Variants in AFF1 observed in about 807,000 individuals in gnomAD.
AFF1 encodes the protein ALF transcription elongation factor 1.
Under a neutral mutation model 121.7 loss-of-function variants are expected in AFF1, and 48 were observed. The observed-to-expected ratio is 0.39, with a 90% CI of 0.31 to 0.50. AFF1 has a LOEUF of 0.50. Among genes scored for constraint, AFF1 ranks in the 20% least tolerant of loss-of-function variants. The probability of loss-of-function intolerance (pLI) is 0.76; values close to 1 mark genes in which losing one functional copy is unlikely to be tolerated. For missense variants in AFF1, 1,523 were observed against 1,511.7 expected, an observed-to-expected ratio of 1.01 and a Z score of -0.12; for synonymous variants, 613 against 563.0, an observed-to-expected ratio of 1.09 and a Z score of -1.26.
At position 87,126,175 on chromosome 4, in the gene AFF1, C is replaced by G; in HGVS notation, c.2650C>G (p.Pro884Ala). 2 of 1,614,172 alleles carry G rather than the reference C, an allele frequency of 1.2e-6. No individual in the cohort carries two copies. Among genetic ancestry groups the G allele is most frequent in the Non-Finnish European group, 1.7e-6 (2 of 1,180,034 alleles). The change falls in exon 14 of 21, where the codon CCA (proline) becomes GCA (alanine). Residue 884 changes from proline to alanine, a missense_variant. Coordinates refer to ENST00000395146, the MANE Select transcript of AFF1 (RefSeq NM_001166693.3). ...PPPVSSSSQK[P>A]AKPALKRSRR... ...ACCCGTGTCCTCGTCCTCCCAGAAG[C>G]CAGCCAAGCCTGCACTTAAGAGGTC... is the stretch of plus-strand genomic sequence containing the variant.
intron 5 of AFF1, among the ~76,000 whole-genome samples, chr4:87,088,466 AG>A (rs1462986635): frequency 6.6e-6 from 1 of 152,244 alleles, no homozygotes; most frequent in Non-Finnish European, 1.5e-5. Context: ...AGCTGTTGCA[AG>A]GATCAAATGG....
At chr4:87,039,426 G>A (rs1729886931) in intron 2 of AFF1, among the ~76,000 whole-genome samples, 1 of 152,236 alleles carries the variant, frequency 6.6e-6, no homozygotes, top group Non-Finnish European at 1.5e-5. Context: ...CTGAAAGTGA[G>A]AGCATTCTGG....
intron 2 of AFF1, among the ~76,000 whole-genome samples, chr4:86,966,094 C>T (rs991852): frequency 0.33 from 48,335 of 146,992 alleles, 9,333 homozygotes; most frequent in South Asian, 0.51. Flanking sequence ...TTCTGGGATA[C>T]GTGCAAGGTG....
intron 2 of AFF1, among the ~76,000 whole-genome samples, chr4:87,045,338 G>A (rs1730568865): frequency 6.6e-6 from 1 of 151,902 alleles, no homozygotes; most frequent in Non-Finnish European, 1.5e-5. Flanking sequence ...TGCGTGTGAG[G>A]GCTGGGAAGT....
chr4:87,042,962 T>G (rs1730303900), intron 2 of AFF1, among the ~76,000 whole-genome samples: 1 of 152,190 alleles, frequency 6.6e-6, no homozygotes, highest in Non-Finnish European at 1.5e-5. Flanking sequence ...TAAAAATATT[T>G]TAGTAATGTA....
chr4:86,992,118 T>A (rs1724777347), intron 2 of AFF1, among the ~76,000 whole-genome samples: 1 of 151,966 alleles, frequency 6.6e-6, no homozygotes, highest in Admixed American at 6.6e-5. Context: ...TCCTCAAGAG[T>A]GTAACAATAG....
intron 2 of AFF1, among the ~76,000 whole-genome samples, chr4:86,999,116 C>G (rs1725490152): frequency 6.6e-6 from 1 of 152,232 alleles, no homozygotes; most frequent in African/African-American, 2.4e-5. Flanking sequence ...TTCGCACTCA[C>G]TGGTGTTTGC....
At chr4:86,959,537 G>GA (rs1428551066) in intron 2 of AFF1, among the ~76,000 whole-genome samples, 1 of 150,858 alleles carries the variant, frequency 6.6e-6, no homozygotes, top group Non-Finnish European at 1.5e-5. Flanking sequence ...AGAGATGGGG[G>GA]AAAAAATGGG....
intron 2 of AFF1, among the ~76,000 whole-genome samples, chr4:87,013,567 G>A (rs781543857): frequency 5.3e-5 from 8 of 152,002 alleles, no homozygotes; most frequent in East Asian, 1.9e-4. Flanking sequence ...TTTTTCCTCC[G>A]TGGTGGCTCA....
In AFF1 at chr4:87,088,345, C is replaced by T. The variant is rs566162382; in HGVS notation, c.1105-1639C>T. Among the ~76,000 whole-genome samples the T allele has an allele frequency of 8.5e-5, 13 of 152,290 alleles. No homozygotes were observed. The East Asian group carries it at 1.4e-3, about 16-fold the overall frequency. Reference sequence around the variant, plus strand: ...TACATTACTCGTCACTGTGCGAGGTCGCTGCTGTCTCTCCTGAGGCTGTGG... The same window carrying T: ...TACATTACTCGTCACTGTGCGAGGTTGCTGCTGTCTCTCCTGAGGCTGTGG... On this transcript the variant is annotated intron_variant, in intron 5 of 20. Transcript: ENST00000395146.
chr4:87,058,299 T>G (rs1016604975), intron 4 of AFF1, among the ~76,000 whole-genome samples: 1 of 152,206 alleles, frequency 6.6e-6, no homozygotes, highest in Non-Finnish European at 1.5e-5. Context: ...TTATTTAAAG[T>G]GTGCTGTTTT....
At chr4:87,113,189 T>C (rs1726731021) in intron 11 of AFF1, among the ~76,000 whole-genome samples, 1 of 152,208 alleles carries the variant, frequency 6.6e-6, no homozygotes, top group Admixed American at 6.5e-5. Flanking sequence ...CACGCAATTG[T>C]ACATTCTCAT....
At chr4:86,958,845 A>G (rs1721944188) in intron 2 of AFF1, among the ~76,000 whole-genome samples, 1 of 152,194 alleles carries the variant, frequency 6.6e-6, no homozygotes, top group African/African-American at 2.4e-5. Flanking sequence ...TACTCTATTT[A>G]CTTGTGGGGT....
At chr4:87,029,406 C>G (rs375524941) in intron 2 of AFF1, among the ~76,000 whole-genome samples, 1 of 152,306 alleles carries the variant, frequency 6.6e-6, no homozygotes, top group South Asian at 2.1e-4. Context: ...CACTGTCAGC[C>G]TGACAGATGT....
intron 16 of AFF1, 142 bp from the exon 17 acceptor site, chr4:87,130,941 T>A: frequency 1.7e-6 from 2 of 1,148,738 alleles, no homozygotes; most frequent in Non-Finnish European, 2.5e-6. Context: ...TTGGTTATCA[T>A]TTTTAGTTCA....
rs550593270 is a variant in AFF1, at chr4:87,044,190, A to G, written c.39-1976A>G. Among the ~76,000 whole-genome samples the G allele has an allele frequency of 1.7e-4, 26 of 152,318 alleles. No individual in the cohort carries two copies. The South Asian group carries it at 2.5e-3, about 15-fold the overall frequency. On this transcript the variant is annotated intron_variant, in intron 2 of 20. Coordinates refer to ENST00000395146, the MANE Select transcript of AFF1 (RefSeq NM_001166693.3). ...ATTTCTCTCCATACATCCTACTCCC[A>G]TAGATTAAAAGGCTATAGAAATACT...
chr4:86,992,352 G>A (rs1429374384), intron 2 of AFF1, among the ~76,000 whole-genome samples: 3 of 152,132 alleles, frequency 2.0e-5, no homozygotes, highest in Non-Finnish European at 4.4e-5. Flanking sequence ...CAGGAATATT[G>A]TGCATGCTCA....
At chr4:86,963,030 C>G (rs1367043431) in intron 2 of AFF1, among the ~76,000 whole-genome samples, 1 of 151,704 alleles carries the variant, frequency 6.6e-6, no homozygotes, top group Non-Finnish European at 1.5e-5. Context: ...GCCAGGCGTG[C>G]TGGCATGCAC....
At chr4:87,079,202 C>T (rs776987394) in intron 4 of AFF1, among the ~76,000 whole-genome samples, 8 of 152,072 alleles carry the variant, frequency 5.3e-5, no homozygotes, top group African/African-American at 9.7e-5. Context: ...ATAAAAATGC[C>T]GCTCTGTTGA....
Sources: gnomAD v4.1 joint callset for allele counts (sites outside exome capture counted in the v4.1 genomes callset) on GRCh38, gnomAD v4.1.1 for gene constraint, MANE v1.5 for transcripts, NCBI Gene and HGNC (gene_info 2026-07-23, HGNC 2026-07-21) for gene names.